The following HTATIP2 variants were observed in gnomAD, a reference collection of about 807,000 sequenced individuals.
HTATIP2 encodes HIV-1 Tat interactive protein 2, also known as protein HTATIP2.
HTATIP2 carries 26 observed loss-of-function variants against 24.7 expected under a neutral mutation model. That is an observed-to-expected ratio of 1.05 (90% confidence interval 0.77 to 1.46). The LOEUF (loss-of-function observed/expected upper bound fraction) is 1.46, where lower values mean the gene tolerates loss of function less well. Among genes scored for constraint, HTATIP2 ranks in the 40% most tolerant of loss-of-function variants. The pLI is 0.00. For missense variants in HTATIP2, 284 were observed against 289.6 expected (o/e 0.98, Z 0.14); for synonymous variants, 99 against 113.2 (o/e 0.87, Z 0.79).
Position 20,383,333 on chromosome 11 carries a change from C to G in HTATIP2, c.*128C>G. The G allele has an allele frequency of 3.0e-6, 2 of 676,376 alleles. No homozygotes were observed. Among genetic ancestry groups the G allele is most frequent in the Non-Finnish European group, 2.5e-6 (1 of 397,338 alleles). 41.9% of individuals were successfully genotyped at this position (676,376 alleles called of 1,614,324 possible). ...ACTATCCTCAGGCATCCATTCCAAT[C>G]AAGAAATGATGGTGCTCTGCATCAG... On this transcript the variant is annotated 3_prime_UTR_variant, in exon 5 of 5. Transcript: ENST00000451739.
intron 2 of HTATIP2, among the ~76,000 whole-genome samples, chr11:20,373,707 A>G (rs1375895853): frequency 6.6e-6 from 1 of 152,240 alleles, no homozygotes; most frequent in Non-Finnish European, 1.5e-5. Flanking sequence ...ATAAACTGGC[A>G]TGAGGGGAAG....
intron 1 of HTATIP2, among the ~76,000 whole-genome samples, chr11:20,365,191 G>A (rs1235049541): frequency 6.6e-6 from 1 of 152,094 alleles, no homozygotes; most frequent in African/African-American, 2.4e-5. Flanking sequence ...GTTTCACCAT[G>A]TTGGCCAGGC....
intron 2 of HTATIP2, among the ~76,000 whole-genome samples, chr11:20,374,516 G>A (rs1055707285): frequency 1.3e-5 from 2 of 152,178 alleles, no homozygotes; most frequent in Non-Finnish European, 2.9e-5. Flanking sequence ...TCCTTGGCCT[G>A]TGGTCCCCTT....
chr11:20,373,197 C>T (rs1280383016), intron 2 of HTATIP2, among the ~76,000 whole-genome samples: 1 of 152,148 alleles, frequency 6.6e-6, no homozygotes, highest in Non-Finnish European at 1.5e-5. Flanking sequence ...GTGTGGGGGT[C>T]TCTGCAGCAG....
intron 2 of HTATIP2, among the ~76,000 whole-genome samples, chr11:20,371,750 ACT>A (rs2064774788): frequency 6.6e-6 from 1 of 151,984 alleles, no homozygotes; most frequent in Non-Finnish European, 1.5e-5. Flanking sequence ...AAATTCTTTG[ACT>A]CTATGAAACA....
Position 20,383,108 on chromosome 11 carries a change from T to C in HTATIP2, c.632T>C (p.Leu211Pro), listed in dbSNP as rs1311824867. 1 of 1,613,920 alleles carries C rather than the reference T, an allele frequency of 6.2e-7. No individual in the cohort carries two copies. The highest frequency in any genetic ancestry group is 8.5e-7 in the Non-Finnish European group (1 of 1,180,020). ...GTGGTGACCGTGGTTAGAGCAATGC[T>C]GAACAATGTGGTGAGACCAAGAGAC... Reference protein sequence around the residue: ...VPVVTVVRAMLNNVVRPRDKQ... With the variant: ...VPVVTVVRAMPNNVVRPRDKQ... Residue 211 changes from leucine to proline, a missense_variant, in exon 5 of 5, where the codon CTG becomes CCG. Leu to Pro is a moderately conservative substitution (Grantham distance 98). Transcript: ENST00000451739.
rs539357656 is a variant in HTATIP2 at position 20,364,391 on chromosome 11, C to T, written c.154C>T (p.Arg52Trp). 1.9e-6 allele frequency: 3 copies of T among 1,610,408 alleles called. No individual in the cohort carries two copies. Among genetic ancestry groups the T allele is most frequent in the East Asian group, 2.2e-5 (1 of 44,750 alleles). Residue 52 changes from arginine to tryptophan, a missense_variant, in exon 1 of 5, where the codon CGG becomes TGG. Coordinates refer to ENST00000451739, the MANE Select transcript of HTATIP2 (RefSeq NM_001098522.2). ...GLFSKVTLIG[R>W]RKLTFDEEAY... ...GTTTTCCAAAGTCACGCTCATTGGC[C>T]GGAGGAAGCTCACCTTCGACGAGGA...
intron 4 of HTATIP2, 29 bp from the exon 5 acceptor site, chr11:20,382,951 T>G: frequency 6.6e-7 from 1 of 1,522,128 alleles, no homozygotes; most frequent in Non-Finnish European, 8.9e-7. Flanking sequence ...CCTCTGCTTT[T>G]CTTTCTTTTT....
Position 20,382,972 on chromosome 11 carries a change from T to A in HTATIP2, c.504-8T>A, listed in dbSNP as rs761781808. On this transcript the variant is annotated splice_polypyrimidine_tract_variant and splice_region_variant and intron_variant, in intron 4 of 4. Transcript: ENST00000451739. ...CTTTTCTTTCTTTTTTTTTTTTTTT[T>A]ATTTTAGAGTTCTGTTATGTGATAG... 11 of 1,554,288 alleles carry A rather than the reference T, an allele frequency of 7.1e-6. No individual in the cohort carries two copies. Among genetic ancestry groups the A allele is most frequent in the Non-Finnish European group, 8.7e-6 (10 of 1,154,744 alleles).
chr11:20,363,994 C>T lies in HTATIP2; in HGVS notation c.-244C>T. 2.4e-6 allele frequency: 3 copies of T among 1,270,528 alleles called. No homozygotes were observed. Among genetic ancestry groups the T allele is most frequent in the Non-Finnish European group, 3.0e-6 (3 of 1,007,870 alleles). The allele number at this position is 1,270,528 out of a possible 1,614,324, so 78.7% of individuals were successfully genotyped here. A position where few individuals can be genotyped will look rare whatever the true frequency, so the allele number is the denominator to read the frequency against. On this transcript the variant is annotated 5_prime_UTR_variant, in exon 1 of 5. Coordinates refer to ENST00000451739, the MANE Select transcript of HTATIP2 (RefSeq NM_001098522.2). The stretch of plus-strand genomic sequence containing the variant: ...TACCGTGGGGTATGCCCAGTGATGC[C>T]AGCAGCTTGTGGCACCTGGGCGCAC...
At chr11:20,378,804 G>A (rs1476960672) in intron 3 of HTATIP2, among the ~76,000 whole-genome samples, 5 of 152,302 alleles carry the variant, frequency 3.3e-5, no homozygotes, top group East Asian at 1.9e-4. Flanking sequence ...TTGGGAGGCC[G>A]AGGTGGGAAG....
Position 20,383,251 on chromosome 11 carries a change from C to A in HTATIP2, c.*46C>A. ...TTATTGTCAACCTTAACACCCATCA[C>A]CAAATCGGTAATTTCAGGGTCTAAA... On this transcript the variant is annotated 3_prime_UTR_variant, in exon 5 of 5. Coordinates refer to ENST00000451739, the MANE Select transcript of HTATIP2 (RefSeq NM_001098522.2). 1.4e-6 allele frequency: 2 copies of A among 1,420,026 alleles called. No homozygotes were observed. The highest frequency in any genetic ancestry group is 2.3e-5 in the East Asian group (1 of 43,222). The allele number at this position is 1,420,026 out of a possible 1,614,324, so 88.0% of individuals were successfully genotyped here.
At chr11:20,379,922 G>A (rs549024769) in intron 3 of HTATIP2, among the ~76,000 whole-genome samples, 1 of 152,348 alleles carries the variant, frequency 6.6e-6, no homozygotes, top group Admixed American at 6.5e-5. Flanking sequence ...GCATTGAAAG[G>A]ATATAGAGCA....
chr11:20,374,301 G>A (rs957708339), intron 2 of HTATIP2, among the ~76,000 whole-genome samples: 1 of 152,146 alleles, frequency 6.6e-6, no homozygotes, highest in Admixed American at 6.6e-5. Context: ...TTTTAAAATT[G>A]AATTCTGTAT....
At chr11:20,382,351 T>C (rs763414551) in intron 4 of HTATIP2, 112 bp downstream of exon 4, 10 of 661,332 alleles carry the variant, frequency 1.5e-5, no homozygotes, top group East Asian at 2.8e-5. Flanking sequence ...ATGAAAGACA[T>C]TGGCTAGAGG....
rs187804828 is a variant in HTATIP2, at chr11:20,383,157, C to G, written c.681C>G (p.Asn227Lys). 594 of 1,613,976 alleles carry G rather than the reference C, an allele frequency of 3.7e-4. 1 individual carries two copies. Among genetic ancestry groups the G allele is most frequent in the Non-Finnish European group, 4.8e-4 (569 of 1,179,988 alleles). The change falls in exon 5 of 5, where the codon AAC becomes AAG. Residue 227 changes from asparagine to lysine, a missense_variant. By Grantham distance (94) the Asn-to-Lys change is moderately conservative. Transcript: ENST00000451739. ...PRDKQMELLE[N>K]KAIHDLGKAH... Reference sequence around the variant, plus strand: ...ACAAGCAGATGGAACTGCTGGAGAACAAGGCCATCCATGACCTGGGGAAAG... The same window carrying G: ...ACAAGCAGATGGAACTGCTGGAGAAGAAGGCCATCCATGACCTGGGGAAAG...
At chr11:20,364,511 C>A in intron 1 of HTATIP2, 79 bp downstream of exon 1, 2 of 1,270,230 alleles carry the variant, frequency 1.6e-6, no homozygotes, top group Non-Finnish European at 2.2e-6. Flanking sequence ...AGGCTGAATA[C>A]TGCCCTGCCA....
intron 1 of HTATIP2, 90 bp from the exon 2 acceptor site, chr11:20,367,084 T>C: frequency 6.9e-7 from 1 of 1,450,326 alleles, no homozygotes; most frequent in Non-Finnish European, 9.4e-7. Context: ...CTGTCAGTAA[T>C]GTTCTGTAAC....
intron 3 of HTATIP2, among the ~76,000 whole-genome samples, chr11:20,381,816 C>A (rs1451332495): frequency 6.6e-6 from 1 of 152,166 alleles, no homozygotes. Context: ...ACCAAAAAAA[C>A]GTTAGTGTCT....
Sources: allele counts gnomAD v4.1 joint callset (sites outside exome capture counted in the v4.1 genomes callset), GRCh38; gene constraint gnomAD v4.1.1; transcripts MANE v1.5; gene names NCBI Gene and HGNC (gene_info 2026-07-23, HGNC 2026-07-21).